Variants in PLEKHA2 observed in about 807,000 individuals in gnomAD.
PLEKHA2 encodes the protein pleckstrin homology domain containing A2, also known as pleckstrin homology domain-containing family A member 2.
PLEKHA2 carries 28 observed loss-of-function variants against 53.2 expected under a neutral mutation model. That is an observed-to-expected ratio of 0.53 (90% CI 0.39 to 0.72). PLEKHA2 has a LOEUF of 0.72. Ranked by LOEUF, PLEKHA2 falls within the 30% of genes least tolerant of loss-of-function variation. The probability of loss-of-function intolerance (pLI) is 0.00; values close to 1 mark genes in which losing one functional copy is unlikely to be tolerated. For synonymous variants in PLEKHA2, 193 were observed against 196.4 expected (o/e 0.98, Z 0.14); for missense variants, 426 against 537.9 (o/e 0.79, Z 2.06).
At chr8:38,928,441 G>A (rs376583078) in intron 2 of PLEKHA2, among the ~76,000 whole-genome samples, 25 of 152,040 alleles carry the variant, frequency 1.6e-4, no homozygotes, top group African/African-American at 5.5e-4. Context: ...TAGAGACAGG[G>A]TTTCACCATG....
chr8:38,912,933 A>G (rs1833975806), intron 1 of PLEKHA2, among the ~76,000 whole-genome samples: 1 of 152,200 alleles, frequency 6.6e-6, no homozygotes, highest in African/African-American at 2.4e-5. Context: ...ATAGAAGCAC[A>G]GTCAGGAGAT....
Position 38,970,079 on chromosome 8 carries a change from G to A in PLEKHA2, c.*296G>A, listed in dbSNP as rs1386540959. The A allele has an allele frequency of 4.1e-6, 2 of 485,076 alleles. No individual in the cohort carries two copies. Among genetic ancestry groups the A allele is most frequent in the Non-Finnish European group, 7.1e-6 (2 of 280,822 alleles). The allele number at this position is 485,076 out of a possible 1,614,324, so 30.0% of individuals were successfully genotyped here. On this transcript the variant is annotated 3_prime_UTR_variant, in exon 12 of 12. Transcript: ENST00000617275. The stretch of plus-strand genomic sequence containing the variant: ...ACCTATTCTATTCTAACTATTCTGA[G>A]GTCTTCCTGGAGAGGGATTGTTTTA...
At chr8:38,934,283 C>T (rs1230474864) in intron 2 of PLEKHA2, among the ~76,000 whole-genome samples, 4 of 152,076 alleles carry the variant, frequency 2.6e-5, no homozygotes, top group Non-Finnish European at 4.4e-5. Context: ...TGAGCCACCA[C>T]GCCTGGTCCA....
At chr8:38,919,819 A>G (rs1392635994) in intron 2 of PLEKHA2, among the ~76,000 whole-genome samples, 9 of 152,200 alleles carry the variant, frequency 5.9e-5, no homozygotes, top group African/African-American at 2.2e-4. Flanking sequence ...CCTGTTGCTT[A>G]CTTTCATTTG....
intron 8 of PLEKHA2, 54 bp downstream of exon 8, chr8:38,952,758 T>C (rs2129422593): frequency 1.3e-6 from 2 of 1,537,814 alleles, no homozygotes; most frequent in Non-Finnish European, 1.8e-6. Flanking sequence ...AAGAGGTGCA[T>C]AGGTGCACAC....
Position 38,901,441 on chromosome 8 carries a change from G to GA in PLEKHA2, c.-28_-27insA, listed in dbSNP as rs1163334061. The GA allele has an allele frequency of 2.0e-5, 3 of 150,856 alleles. No homozygotes were observed. The highest frequency in any genetic ancestry group is 2.0e-4 in the East Asian group (1 of 5,122). The allele number at this position is 150,856 out of a possible 1,614,324, so 9.3% of individuals were successfully genotyped here. On this transcript the variant is annotated 5_prime_UTR_variant, in exon 1 of 12. Coordinates refer to ENST00000617275, the MANE Select transcript of PLEKHA2 (RefSeq NM_021623.2). ...CCGCCCGAGCCCCGGCCCCTGCACGGGGGGGTAAGTTGGGCGCCCTCGCGG... is the reference window on the plus strand; with the variant it reads ...CCGCCCGAGCCCCGGCCCCTGCACGGAGGGGGTAAGTTGGGCGCCCTCGCGG...
intron 6 of PLEKHA2, among the ~76,000 whole-genome samples, 179 bp from the exon 7 acceptor site, chr8:38,951,987 C>T (rs753294983): frequency 2.6e-5 from 4 of 152,182 alleles, no homozygotes; most frequent in African/African-American, 4.8e-5. Flanking sequence ...TGGGCTCAAG[C>T]GATCCTCCTG....
At chr8:38,902,697 T>C (rs1007963620) in intron 1 of PLEKHA2, among the ~76,000 whole-genome samples, 1 of 152,244 alleles carries the variant, frequency 6.6e-6, no homozygotes, top group Non-Finnish European at 1.5e-5. Context: ...AAGCAAAAGA[T>C]CTTGAAAGAA....
At chr8:38,933,779 A>T (rs1325983607) in intron 2 of PLEKHA2, among the ~76,000 whole-genome samples, 1 of 100,558 alleles carries the variant, frequency 9.9e-6, no homozygotes, top group African/African-American at 3.8e-5. Flanking sequence ...GAGGTTTCCT[A>T]AAAAAAAAAA....
chr8:38,956,382 C>T (rs564176750), intron 9 of PLEKHA2, among the ~76,000 whole-genome samples: 6 of 152,290 alleles, frequency 3.9e-5, no homozygotes, highest in East Asian at 3.9e-4. Context: ...TCCTGGGCCC[C>T]GCACAGTGAG....
At chr8:38,935,000 C>T (rs1834467140) in intron 2 of PLEKHA2, among the ~76,000 whole-genome samples, 1 of 152,052 alleles carries the variant, frequency 6.6e-6, no homozygotes, top group African/African-American at 2.4e-5. Flanking sequence ...TCCAAGTGCT[C>T]TTAAATGTAT....
chr8:38,927,363 A>C (rs1338503922), intron 2 of PLEKHA2, among the ~76,000 whole-genome samples: 1 of 152,012 alleles, frequency 6.6e-6, no homozygotes, highest in Non-Finnish European at 1.5e-5. Flanking sequence ...GAAATTAGGC[A>C]ATCGTGGTGG....
chr8:38,956,918 A>C (rs1173983585), intron 9 of PLEKHA2, among the ~76,000 whole-genome samples: 2 of 152,120 alleles, frequency 1.3e-5, no homozygotes, highest in Non-Finnish European at 2.9e-5. Context: ...TAGATGAAAT[A>C]ATCTACAAAA....
At chr8:38,931,950 G>T (rs931015932) in intron 2 of PLEKHA2, among the ~76,000 whole-genome samples, 19 of 152,024 alleles carry the variant, frequency 1.2e-4, no homozygotes, top group Non-Finnish European at 2.4e-4. Flanking sequence ...GTGTTCTGGT[G>T]GGGGGAAGCT....
At position 38,952,546 on chromosome 8, in the gene PLEKHA2, G is replaced by A. The variant is rs1007425533; in HGVS notation, c.634-90G>A. ...GAATGTGGGAGCCGGACTTCCATGG[G>A]GCTGGGTCCTTGGGAGCTTAGCATG... is the stretch of plus-strand genomic sequence containing the variant. On this transcript the variant is annotated intron_variant, in intron 7 of 11. Coordinates refer to ENST00000617275, the MANE Select transcript of PLEKHA2 (RefSeq NM_021623.2). 11 of 1,439,202 alleles carry A rather than the reference G, an allele frequency of 7.6e-6. No individual in the cohort carries two copies. The South Asian group carries it at 8.4e-5, about 11-fold the overall frequency. The allele number at this position is 1,439,202 out of a possible 1,614,324, so 89.2% of individuals were successfully genotyped here.
At chr8:38,912,999 G>C (rs1375556124) in intron 1 of PLEKHA2, among the ~76,000 whole-genome samples, 1 of 152,170 alleles carries the variant, frequency 6.6e-6, no homozygotes, top group Non-Finnish European at 1.5e-5. Context: ...CCCACCGTGA[G>C]GCCCCTGAAA....
chr8:38,923,902 AGTGCAGTG>A (rs1403777158), intron 2 of PLEKHA2, among the ~76,000 whole-genome samples: 8 of 152,268 alleles, frequency 5.3e-5, no homozygotes, highest in Middle Eastern at 3.4e-3. Context: ...CCGAGGATCC[AGTGCAGTG>A]GCGCGATCTC....
chr8:38,953,770 C>T (rs578070114), intron 9 of PLEKHA2, among the ~76,000 whole-genome samples: 23 of 152,326 alleles, frequency 1.5e-4, no homozygotes, highest in African/African-American at 5.5e-4. Flanking sequence ...GATCACTGTA[C>T]TAGTGCCTCT....
intron 3 of PLEKHA2, among the ~76,000 whole-genome samples, chr8:38,941,151 G>T (rs1169057446): frequency 1.3e-5 from 2 of 152,088 alleles, no homozygotes; most frequent in South Asian, 4.2e-4. Flanking sequence ...CCATCTCCCG[G>T]GTTCAAGCGA....
Sources: gnomAD v4.1 joint callset for allele counts (sites outside exome capture counted in the v4.1 genomes callset) on GRCh38, gnomAD v4.1.1 for gene constraint, MANE v1.5 for transcripts, NCBI Gene and HGNC (gene_info 2026-07-23, HGNC 2026-07-21) for gene names.